Variants in TRDN observed in about 807,000 individuals in gnomAD.
TRDN encodes triadin.
Under a neutral mutation model 149.7 loss-of-function variants are expected in TRDN, and 161 were observed. The ratio of observed to expected loss-of-function variants is 1.08; its 90% CI spans 0.95 to 1.23. The LOEUF is 1.23. Ranked by LOEUF, TRDN falls within the 50% of genes most tolerant of loss-of-function variation. The pLI is 0.00. For missense variants in TRDN, 896 were observed against 823.5 expected, an observed-to-expected ratio of 1.09 and a Z score of -1.08; for synonymous variants, 294 against 250.5, an observed-to-expected ratio of 1.17 and a Z score of -1.64.
At chr6:123,478,703 TG>T (rs1233245430) in intron 9 of TRDN, among the ~76,000 whole-genome samples, 1 of 152,174 alleles carries the variant, frequency 6.6e-6, no homozygotes, top group Non-Finnish European at 1.5e-5. Context: ...TGTCCTAACT[TG>T]CCATGGAATC....
intron 14 of TRDN, among the ~76,000 whole-genome samples, chr6:123,387,751 TAAAG>T (rs1781961596): frequency 1.3e-5 from 2 of 151,992 alleles, no homozygotes; most frequent in South Asian, 2.1e-4. Flanking sequence ...AGATCACAAA[TAAAG>T]AACTGGATCC....
chr6:123,280,917 T>C (rs990380801), intron 24 of TRDN, among the ~76,000 whole-genome samples: 5 of 152,058 alleles, frequency 3.3e-5, no homozygotes, highest in African/African-American at 1.2e-4. Context: ...TCCTAATACA[T>C]GGTGATAAGA....
At chr6:123,363,192 A>C (rs1343360153) in intron 20 of TRDN, among the ~76,000 whole-genome samples, 1 of 151,942 alleles carries the variant, frequency 6.6e-6, no homozygotes, top group African/African-American at 2.4e-5. Flanking sequence ...CTTAAAAACA[A>C]AAAAAAATAC....
chr6:123,630,586 C>A, intron 1 of TRDN, among the ~76,000 whole-genome samples: 1 of 144,680 alleles, frequency 6.9e-6, no homozygotes. Flanking sequence ...TAATGATAAC[C>A]AAAAATAAAT....
intron 1 of TRDN, among the ~76,000 whole-genome samples, chr6:123,581,514 C>A (rs1321083): frequency 0.2 from 31,167 of 152,112 alleles, 4,032 homozygotes; most frequent in East Asian, 0.5. Flanking sequence ...TACAGGAAAT[C>A]AGCTTTAAAA....
chr6:123,446,975 A>T (rs985517670), intron 10 of TRDN, among the ~76,000 whole-genome samples: 1 of 152,142 alleles, frequency 6.6e-6, no homozygotes, highest in African/African-American at 2.4e-5. Context: ...ACGCAACTTT[A>T]TAGCAACATG....
At chr6:123,383,607 TG>T (rs1477271408) in intron 14 of TRDN, among the ~76,000 whole-genome samples, 2 of 152,256 alleles carry the variant, frequency 1.3e-5, no homozygotes, top group African/African-American at 4.8e-5. Flanking sequence ...ATTCAAATGA[TG>T]TTTTGCTAAT....
Position 123,220,522 on chromosome 6 carries a change from ACT to A in TRDN, c.2050+963_2050+964del, listed in dbSNP as rs552815720. ...GTAATATTACTCAAAGTATCATAAG[ACT>A]CTGCTTATTTCCCTATATTTCTCAC... is the stretch of plus-strand genomic sequence containing the variant. On this transcript the variant is annotated intron_variant, in intron 40 of 40. Coordinates refer to ENST00000334268, the MANE Select transcript of TRDN (RefSeq NM_006073.4). 8.6e-5 allele frequency among the ~76,000 whole-genome samples: 13 copies of A among 151,786 alleles called. No individual in the cohort carries two copies. The South Asian group carries it at 2.7e-3, about 31-fold the overall frequency.
intron 2 of TRDN, among the ~76,000 whole-genome samples, chr6:123,551,459 GA>G (rs913686610): frequency 6.0e-5 from 9 of 150,610 alleles, no homozygotes; most frequent in African/African-American, 2.0e-4. Context: ...CATATCAATG[GA>G]AAAAATATTA....
intron 2 of TRDN, among the ~76,000 whole-genome samples, chr6:123,557,286 G>A (rs377336661): frequency 1.4e-4 from 21 of 152,082 alleles, no homozygotes; most frequent in African/African-American, 3.6e-4. Context: ...GACTCGGATC[G>A]GGGGACCTCC....
Position 123,345,533 on chromosome 6 carries a change from C to T in TRDN, c.1369+7006G>A, listed in dbSNP as rs145877925. ...TTCTCATTTTCCAGTGCTGTGTTGGCTCTTCTGGGTCTTTTGCCTTTTCAT... is the reference window on the plus strand; with the variant it reads ...TTCTCATTTTCCAGTGCTGTGTTGGTTCTTCTGGGTCTTTTGCCTTTTCAT... On this transcript the variant is annotated intron_variant, in intron 21 of 40. Coordinates refer to ENST00000334268, the MANE Select transcript of TRDN (RefSeq NM_006073.4). Among the ~76,000 whole-genome samples the T allele has an allele frequency of 6.0e-4, 91 of 152,070 alleles. 1 individual carries two copies. In the East Asian group the frequency reaches 0.016, roughly 27 times the overall value.
Position 123,473,594 on chromosome 6 carries a change from G to C in TRDN, c.854-8611C>G, listed in dbSNP as rs563253790. 8.3e-3 allele frequency among the ~76,000 whole-genome samples: 1,262 copies of C among 151,162 alleles called. 6 individuals carry two copies. The highest frequency in any genetic ancestry group is 0.013 in the Non-Finnish European group (867 of 67,602). On this transcript the variant is annotated intron_variant, in intron 9 of 40. Coordinates refer to ENST00000334268, the MANE Select transcript of TRDN (RefSeq NM_006073.4). ...GTTCAGATTCAGGAAATACAGAGAA[G>C]GCCACAAAGATACTCCTCGAGAAGA...
chr6:123,601,347 C>T (rs1784265215), intron 1 of TRDN, among the ~76,000 whole-genome samples: 1 of 152,094 alleles, frequency 6.6e-6, no homozygotes, highest in African/African-American at 2.4e-5. Flanking sequence ...TAAAGAAACT[C>T]AGAGTGATAT....
intron 22 of TRDN, among the ~76,000 whole-genome samples, chr6:123,335,164 A>T (rs1360422449): frequency 1.3e-5 from 2 of 151,910 alleles, no homozygotes; most frequent in African/African-American, 4.8e-5. Context: ...GATAAATTAT[A>T]TTCAGGAAAA....
chr6:123,278,565 A>G (rs1777459566), intron 25 of TRDN, among the ~76,000 whole-genome samples: 1 of 152,162 alleles, frequency 6.6e-6, no homozygotes, highest in South Asian at 2.1e-4. Flanking sequence ...CCAGTAAGAA[A>G]TATTTTGAGA....
intron 7 of TRDN, among the ~76,000 whole-genome samples, chr6:123,510,975 T>C (rs1444012257): frequency 6.6e-6 from 1 of 152,196 alleles, no homozygotes; most frequent in Non-Finnish European, 1.5e-5. Context: ...GAAAATCATT[T>C]ATGGTGCAGA....
At chr6:123,573,369 A>G (rs955721912) in intron 1 of TRDN, among the ~76,000 whole-genome samples, 1 of 152,086 alleles carries the variant, frequency 6.6e-6, no homozygotes, top group Non-Finnish European at 1.5e-5. Context: ...GAGCTATATC[A>G]TAATCATTAT....
chr6:123,227,430 G>T (rs979794459), intron 38 of TRDN, among the ~76,000 whole-genome samples: 1 of 151,812 alleles, frequency 6.6e-6, no homozygotes, highest in Admixed American at 6.6e-5. Flanking sequence ...ATATTTGCTG[G>T]GGATAATGAA....
chr6:123,350,784 T>G, intron 21 of TRDN: 3 of 976,406 alleles, frequency 3.1e-6, no homozygotes, highest in Non-Finnish European at 3.7e-6. Context: ...CAAGTCAATA[T>G]AAAAATAGCC....
Sources: allele counts gnomAD v4.1 joint callset (sites outside exome capture counted in the v4.1 genomes callset), GRCh38; gene constraint gnomAD v4.1.1; transcripts MANE v1.5; gene names NCBI Gene and HGNC (gene_info 2026-07-23, HGNC 2026-07-21).